CA4: variants seen among roughly 807,000 people sequenced by gnomAD.
The protein encoded by CA4 is CA-IV.
Under a neutral mutation model 34.5 loss-of-function variants are expected in CA4, and 24 were observed. The observed-to-expected ratio is 0.70, with a 90% confidence interval of 0.50 to 0.98. CA4 has a LOEUF of 0.98. CA4 is among the 50% of genes least tolerant of loss of function. The pLI, the probability that CA4 is intolerant of heterozygous loss-of-function variation, is 0.00. For synonymous variants in CA4, 178 were observed against 170.6 expected (o/e 1.04, Z -0.34); for missense variants, 394 against 396.7 (o/e 0.99, Z 0.06).
downstream of CA4, among the ~76,000 whole-genome samples, chr17:60,162,844 A>C (rs766441549): frequency 2.6e-5 from 4 of 151,270 alleles, no homozygotes; most frequent in African/African-American, 4.9e-5. Flanking sequence ...ACCTGGGGCC[A>C]CTCCCCTGTG....
At chr17:60,158,615 G>C in intron 7 of CA4, 169 bp downstream of exon 7, 3 of 681,630 alleles carry the variant, frequency 4.4e-6, no homozygotes, top group Non-Finnish European at 7.6e-6. Context: ...AGCCTGAGCT[G>C]TTCCATCACC....
chr17:60,173,984 C>A (rs972810950), downstream of CA4, among the ~76,000 whole-genome samples: 19 of 152,074 alleles, frequency 1.2e-4, no homozygotes, highest in Non-Finnish European at 1.0e-4. Context: ...TGGGTGTATG[C>A]CTCCTGATAA....
At chr17:60,152,083 G>C (rs1479838567) in intron 1 of CA4, among the ~76,000 whole-genome samples, 1 of 152,048 alleles carries the variant, frequency 6.6e-6, no homozygotes, top group Non-Finnish European at 1.5e-5. Context: ...GTCAGTGTGG[G>C]GGGCAGTAGC....
intron 3 of CA4, chr17:60,156,940 GGAA>G (rs570621903): frequency 8.2e-6 from 5 of 609,542 alleles, no homozygotes; most frequent in South Asian, 1.9e-5. Context: ...AAACGTTCCA[GGAA>G]GAAGGACATG....
At chr17:60,153,993 C>T (rs2083636052) in intron 1 of CA4, among the ~76,000 whole-genome samples, 1 of 152,108 alleles carries the variant, frequency 6.6e-6, no homozygotes, top group African/African-American at 2.4e-5. Flanking sequence ...CCTCATGGCT[C>T]CTTCCCCATC....
At chr17:60,152,274 C>A (rs559435960) in intron 1 of CA4, among the ~76,000 whole-genome samples, 1 of 152,080 alleles carries the variant, frequency 6.6e-6, no homozygotes, top group Non-Finnish European at 1.5e-5. Context: ...TCTCATTCAA[C>A]GAAGACAGGA....
chr17:60,162,223 A>C (rs2083798647), downstream of CA4, among the ~76,000 whole-genome samples: 1 of 152,134 alleles, frequency 6.6e-6, no homozygotes, highest in Admixed American at 6.5e-5. Flanking sequence ...TCACAGCAGA[A>C]GTGGGCAGCT....
intron 1 of CA4, among the ~76,000 whole-genome samples, chr17:60,151,996 G>C (rs542596596): frequency 2.6e-5 from 4 of 152,166 alleles, no homozygotes; most frequent in East Asian, 3.9e-4. Context: ...TCCCTCAGAG[G>C]GGGAGGTGGG....
rs1258416074 is a variant in CA4, at chr17:60,159,410, G to A, written c.925G>A (p.Gly309Ser). ...LGPMLACLLAGFLR is the reference protein window; with the variant it reads ...LGPMLACLLASFLR ...CCCCATGCTGGCCTGCCTGCTGGCC[G>A]GCTTCCTGCGATGATGGCTCACTTC... Residue 309 changes from glycine to serine, a missense_variant, in exon 8 of 8, where the codon GGC (glycine) becomes AGC (serine). Coordinates refer to ENST00000300900, the MANE Select transcript of CA4 (RefSeq NM_000717.5). The A allele has an allele frequency of 1.2e-5, 19 of 1,611,692 alleles. No individual in the cohort carries two copies. Among genetic ancestry groups the A allele is most frequent in the Middle Eastern group, 3.5e-4 (2 of 5,676 alleles).
chr17:60,169,758 G>A (rs2083896163), intron 5 of CA4, among the ~76,000 whole-genome samples: 1 of 152,170 alleles, frequency 6.6e-6, no homozygotes, highest in Non-Finnish European at 1.5e-5. Flanking sequence ...CACAGTGCTG[G>A]GATTACAGGC....
rs552988459 is a variant in CA4 at position 60,158,578 on chromosome 17, C to T, written c.744+132C>T. On this transcript the variant is annotated intron_variant, in intron 7 of 7. Coordinates refer to ENST00000300900, the MANE Select transcript of CA4 (RefSeq NM_000717.5). ...GTAACTGAAGTCCGTTGTTAATCAT[C>T]GACATTCACTGAAGACAGGCAAGAA... is the stretch of plus-strand genomic sequence containing the variant. The T allele has an allele frequency of 5.9e-5, 51 of 864,772 alleles. No individual in the cohort carries two copies. The African/African-American group carries it at 7.3e-4, about 12-fold the overall frequency. 53.6% of individuals were successfully genotyped at this position (864,772 alleles called of 1,614,324 possible). A position where few individuals can be genotyped will look rare whatever the true frequency, so the allele number is the denominator to read the frequency against.
intron 7 of CA4, 121 bp downstream of exon 7, chr17:60,158,567 T>C: frequency 1.1e-6 from 1 of 951,590 alleles, no homozygotes; most frequent in East Asian, 2.6e-5. Flanking sequence ...CTGAAGTCCG[T>C]TGTTAATCAT....
intron 1 of CA4, 112 bp from the exon 2 acceptor site, chr17:60,155,202 C>A (rs887164672): frequency 2.9e-5 from 28 of 951,458 alleles, no homozygotes; most frequent in Non-Finnish European, 4.3e-5. Context: ...ACACTCCATC[C>A]CAGCCCAAGA....
At chr17:60,157,337 A>G in intron 3 of CA4, 90 bp from the exon 4 acceptor site, 2 of 1,357,662 alleles carry the variant, frequency 1.5e-6, no homozygotes, top group South Asian at 1.2e-5. Context: ...GAGGCAGGAG[A>G]CAATGTCCCA....
At chr17:60,162,726 G>A (rs1422601724), downstream of CA4, among the ~76,000 whole-genome samples, 1 of 152,178 alleles carries the variant, frequency 6.6e-6, no homozygotes, top group Non-Finnish European at 1.5e-5. Context: ...GGTGCCCATC[G>A]TGTTCCAGGT....
At chr17:60,154,076 G>A (rs894556084) in intron 1 of CA4, among the ~76,000 whole-genome samples, 2 of 152,204 alleles carry the variant, frequency 1.3e-5, no homozygotes, top group Non-Finnish European at 2.9e-5. Flanking sequence ...GCCCAGGCAA[G>A]AAGGGAGAGG....
intron 5 of CA4, among the ~76,000 whole-genome samples, chr17:60,170,080 C>T (rs1030029857): frequency 3.3e-5 from 5 of 152,136 alleles, no homozygotes; most frequent in South Asian, 2.1e-4. Context: ...GGGAGTGTGT[C>T]GGCCACGTGA....
intron 5 of CA4, among the ~76,000 whole-genome samples, chr17:60,164,869 G>T (rs892696951): frequency 6.6e-6 from 1 of 152,022 alleles, no homozygotes; most frequent in African/African-American, 2.4e-5. Context: ...AAACATCCGG[G>T]CATGCAGCCC....
At chr17:60,177,469 G>A in the CA4 span, among the ~76,000 whole-genome samples, 1 of 152,130 alleles carries the variant, frequency 6.6e-6, no homozygotes, top group Non-Finnish European at 1.5e-5. Flanking sequence ...TTTTCTGCTA[G>A]TTCATGAATT....
Sources: allele counts gnomAD v4.1 joint callset (sites outside exome capture counted in the v4.1 genomes callset), GRCh38; gene constraint gnomAD v4.1.1; transcripts MANE v1.5; gene names NCBI Gene and HGNC (gene_info 2026-07-23, HGNC 2026-07-21).